The following IL3RA variants were observed in gnomAD, a reference collection of about 807,000 sequenced individuals.
The protein encoded by IL3RA is interleukin 3 receptor subunit alpha.
IL3RA carries 73 observed loss-of-function variants against 52.3 expected under a neutral mutation model. That is an observed-to-expected ratio of 1.40 (90% CI 1.16 to 1.70). The LOEUF is 1.70. IL3RA is among the 40% of genes most tolerant of loss of function. IL3RA has a pLI of 0.00. For synonymous variants in IL3RA, 260 were observed against 194.0 expected, an observed-to-expected ratio of 1.34 and a Z score of -2.83; for missense variants, 664 against 504.4, an observed-to-expected ratio of 1.32 and a Z score of -3.03.
At position 1,356,195 on chromosome X, in the gene IL3RA, CCTAA is replaced by C. The variant is rs764084784; in HGVS notation, c.617-25_617-22del. The C allele has an allele frequency of 6.1e-5, 82 of 1,338,622 alleles. 1 individual carries two copies. The highest frequency in any genetic ancestry group is 1.9e-4 in the Middle Eastern group (1 of 5,374). 82.9% of individuals were successfully genotyped at this position (1,338,622 alleles called of 1,614,324 possible). ...GAATTGATTTCTTGTACTCCTAAAT[CCTAA>C]AAGTGTTTTTCTCGTTGCTAGAGAT... is the stretch of plus-strand genomic sequence containing the variant. On this transcript the variant is annotated intron_variant, in intron 6 of 11. Transcript: ENST00000331035.
At chrX:1,362,785 A>C (rs2087558293) in intron 8 of IL3RA, among the ~76,000 whole-genome samples, 1 of 150,860 alleles carries the variant, frequency 6.6e-6, no homozygotes, top group Admixed American at 6.6e-5. Flanking sequence ...TTATTTATTT[A>C]TTTATTTTGA....
At chrX:1,357,288 G>C (rs1337446788) in intron 7 of IL3RA, among the ~76,000 whole-genome samples, 7 of 151,400 alleles carry the variant, frequency 4.6e-5, no homozygotes, top group Non-Finnish European at 1.0e-4. Flanking sequence ...TTATTTTATT[G>C]TATTTTATTA....
At chrX:1,355,860 G>T (rs1226274811) in intron 6 of IL3RA, among the ~76,000 whole-genome samples, 1 of 152,024 alleles carries the variant, frequency 6.6e-6, no homozygotes, top group Non-Finnish European at 1.5e-5. Context: ...GCTGCCCAGC[G>T]GGGCTGAGCC....
intron 9 of IL3RA, among the ~76,000 whole-genome samples, chrX:1,367,782 GGGCTGAGCGGGGTGCGCC>G (rs1481160724): frequency 4.5e-5 from 6 of 134,002 alleles, no homozygotes; most frequent in African/African-American, 1.8e-4. Context: ...CGGGGTGCGC[GGGCTGAGCGGGGTGCGCC>G]GGGTGAGCGG....
intron 6 of IL3RA, among the ~76,000 whole-genome samples, chrX:1,355,601 G>A (rs1427983414): frequency 8.6e-5 from 13 of 151,176 alleles, no homozygotes; most frequent in African/African-American, 2.7e-4. Context: ...TGGGGTTCCC[G>A]GGAAGTGGAG....
chrX:1,367,710 GGGGTGAGCGGGGTGCGCC>G (rs1569526915), intron 9 of IL3RA, among the ~76,000 whole-genome samples: 4 of 114,106 alleles, frequency 3.5e-5, no homozygotes, highest in African/African-American at 1.0e-4. Context: ...CCGGGTGCGC[GGGGTGAGCGGGGTGCGCC>G]GGGTGAGCGG....
intron 4 of IL3RA, among the ~76,000 whole-genome samples, chrX:1,349,947 G>T (rs1412027781): frequency 6.6e-6 from 1 of 151,772 alleles, no homozygotes; most frequent in South Asian, 2.1e-4. Context: ...CCACTGTGCC[G>T]GGCCTCAATT....
chrX:1,338,068 G>T (rs774195178), intron 1 of IL3RA, among the ~76,000 whole-genome samples: 28 of 150,196 alleles, frequency 1.9e-4, no homozygotes, highest in African/African-American at 6.4e-4. Context: ...GCCATGAAAA[G>T]GAACAAGCAG....
chrX:1,354,199 C>G (rs1357820773), intron 6 of IL3RA, among the ~76,000 whole-genome samples: 2 of 152,124 alleles, frequency 1.3e-5, no homozygotes, highest in Non-Finnish European at 2.9e-5. Context: ...GGGGTCCACC[C>G]TCATAACTTC....
intron 8 of IL3RA, among the ~76,000 whole-genome samples, 186 bp from the exon 9 acceptor site, chrX:1,364,952 G>A (rs1244088874): frequency 6.6e-6 from 1 of 151,974 alleles, no homozygotes; most frequent in Non-Finnish European, 1.5e-5. Flanking sequence ...GGGATTACAG[G>A]TGCCTGCCAC....
chrX:1,359,785 T>TC (rs1255041799), intron 8 of IL3RA, among the ~76,000 whole-genome samples: 2 of 149,636 alleles, frequency 1.3e-5, no homozygotes, highest in Non-Finnish European at 3.0e-5. Context: ...TCTCCCTCCC[T>TC]CTTTTATTCT....
At chrX:1,337,957 C>G (rs1344382780) in intron 1 of IL3RA, among the ~76,000 whole-genome samples, 1 of 147,798 alleles carries the variant, frequency 6.8e-6, no homozygotes, top group Non-Finnish European at 1.5e-5. Context: ...GAACAAGCAG[C>G]TTTATTCACA....
At chrX:1,366,789 C>A (rs865905967) in intron 9 of IL3RA, among the ~76,000 whole-genome samples, 1 of 4,134 alleles carries the variant, frequency 2.4e-4, no homozygotes, top group Non-Finnish European at 3.5e-4. Context: ...GAGCGGGGTG[C>A]GCGGGGTGCG....
At chrX:1,341,569 T>G (rs17882587) in intron 1 of IL3RA, among the ~76,000 whole-genome samples, 159 bp from the exon 2 acceptor site, 7,308 of 152,222 alleles carry the variant, frequency 0.048, 262 homozygotes, top group African/African-American at 0.098. Flanking sequence ...CAAAGGCGCA[T>G]TTGCACACAG....
At chrX:1,354,760 G>A (rs1390878693) in intron 6 of IL3RA, among the ~76,000 whole-genome samples, 1 of 124,358 alleles carries the variant, frequency 8.0e-6, no homozygotes, top group African/African-American at 3.2e-5. Flanking sequence ...GAAGGAGCAG[G>A]AGGAGGAGAA....
At chrX:1,351,690 G>A (rs1386705885) in intron 4 of IL3RA, among the ~76,000 whole-genome samples, 7 of 147,970 alleles carry the variant, frequency 4.7e-5, no homozygotes, top group African/African-American at 1.3e-4. Flanking sequence ...GTGCAGTGGC[G>A]TGATCTCAGC....
chrX:1,348,760 TTTC>T (rs1261717846), intron 4 of IL3RA, among the ~76,000 whole-genome samples: 27 of 149,394 alleles, frequency 1.8e-4, no homozygotes, highest in South Asian at 4.3e-4. Context: ...CTTTCCTCTC[TTTC>T]TTTTCTTTCT....
At chrX:1,380,693 G>A (rs1446796841) in intron 10 of IL3RA, among the ~76,000 whole-genome samples, 3 of 131,328 alleles carry the variant, frequency 2.3e-5, no homozygotes, top group Admixed American at 7.6e-5. Context: ...GGAGGAAAAG[G>A]GGGAGGAAGA....
chrX:1,349,576 T>A (rs1426064785), intron 4 of IL3RA, among the ~76,000 whole-genome samples: 1 of 152,122 alleles, frequency 6.6e-6, no homozygotes, highest in African/African-American at 2.4e-5. Context: ...TCTCCCAAAG[T>A]GCAGGGATTG....
Sources: gnomAD v4.1 joint callset for allele counts (sites outside exome capture counted in the v4.1 genomes callset) on GRCh38, gnomAD v4.1.1 for gene constraint, MANE v1.5 for transcripts, NCBI Gene and HGNC (gene_info 2026-07-23, HGNC 2026-07-21) for gene names.